Variants in SMCO2 observed in about 807,000 individuals in gnomAD.
SMCO2 encodes the protein single-pass membrane and coiled-coil domain-containing protein 2.
In SMCO2, 25 loss-of-function variants were observed where a neutral mutation model predicts 29.5. That is an observed-to-expected ratio of 0.85 (90% confidence interval 0.62 to 1.18). SMCO2 has a LOEUF of 1.18. Ranked by LOEUF, SMCO2 falls within the 50% of genes most tolerant of loss-of-function variation. The probability of loss-of-function intolerance (pLI) is 0.00; values close to 1 mark genes in which losing one functional copy is unlikely to be tolerated. For synonymous variants in SMCO2, 117 were observed against 123.3 expected, an observed-to-expected ratio of 0.95 and a Z score of 0.34; for missense variants, 348 against 344.5, an observed-to-expected ratio of 1.01 and a Z score of -0.08.
chr12:27,453,100 T>G, the SMCO2 span, among the ~76,000 whole-genome samples: 2 of 152,168 alleles, frequency 1.3e-5, no homozygotes, highest in East Asian at 3.9e-4. Flanking sequence ...ATCTGTAGAT[T>G]GGCCCCCAGT....
At chr12:27,444,210 A>C in the SMCO2 span, among the ~76,000 whole-genome samples, 2 of 152,314 alleles carry the variant, frequency 1.3e-5, no homozygotes, top group East Asian at 1.9e-4. Flanking sequence ...CAACCAACTC[A>C]TCTTTGACGA....
chr12:27,480,339 A>G (rs1949631343), intron 4 of SMCO2, among the ~76,000 whole-genome samples: 1 of 152,162 alleles, frequency 6.6e-6, no homozygotes, highest in Admixed American at 6.5e-5. Context: ...ACACCCTCAC[A>G]GACACACCCA....
the SMCO2 span, among the ~76,000 whole-genome samples, chr12:27,440,770 A>G: frequency 6.6e-6 from 1 of 151,992 alleles, no homozygotes; most frequent in South Asian, 2.1e-4. Flanking sequence ...CAAGGTAACC[A>G]CAGCATAAAA....
At chr12:27,428,290 T>A in the SMCO2 span, among the ~76,000 whole-genome samples, 1 of 152,176 alleles carries the variant, frequency 6.6e-6, no homozygotes, top group Non-Finnish European at 1.5e-5. Context: ...ATAAACTAAA[T>A]CCCTCCCAAA....
chr12:27,497,408 G>T, intron 7 of SMCO2: 1 of 221,032 alleles, frequency 4.5e-6, no homozygotes, highest in Non-Finnish European at 9.6e-6. Flanking sequence ...CAGAAAGTTT[G>T]TGTTGGTCCC....
chr12:27,430,878 G>C, the SMCO2 span, among the ~76,000 whole-genome samples: 1 of 152,010 alleles, frequency 6.6e-6, no homozygotes, highest in African/African-American at 2.4e-5. Context: ...ATCCAGACCC[G>C]AGCAGCTCGA....
At chr12:27,440,389 C>T in the SMCO2 span, among the ~76,000 whole-genome samples, 363 of 152,238 alleles carry the variant, frequency 2.4e-3, no homozygotes, top group African/African-American at 8.2e-3. Flanking sequence ...AAAACACTAA[C>T]GTGCAAAGGA....
At position 27,467,535 on chromosome 12, in the gene SMCO2, G is replaced by A. The variant is rs1211260679; in HGVS notation, c.-11+560G>A. Reference sequence around the variant, plus strand: ...CTCCCAGGAAGCGCTGAGGCTGCTGGCCTGCAGACCACACTTTGAGCACTA... The same window carrying A: ...CTCCCAGGAAGCGCTGAGGCTGCTGACCTGCAGACCACACTTTGAGCACTA... On this transcript the variant is annotated intron_variant, in intron 1 of 7. Transcript: ENST00000298876. Among the ~76,000 whole-genome samples, 5 of 151,654 alleles carry A rather than the reference G, an allele frequency of 3.3e-5. No individual in the cohort carries two copies. The South Asian group carries it at 1.0e-3, about 32-fold the overall frequency.
chr12:27,473,667 G>T (rs1178045870), intron 3 of SMCO2, among the ~76,000 whole-genome samples: 1 of 152,148 alleles, frequency 6.6e-6, no homozygotes, highest in Non-Finnish European at 1.5e-5. Flanking sequence ...AAACTAATTT[G>T]TAAAGAGTTA....
At chr12:27,479,709 A>T (rs1272217668) in intron 4 of SMCO2, among the ~76,000 whole-genome samples, 1 of 152,134 alleles carries the variant, frequency 6.6e-6, no homozygotes, top group Admixed American at 6.5e-5. Flanking sequence ...TAAGTTCACA[A>T]GATCTGATCG....
At chr12:27,429,068 T>A in the SMCO2 span, among the ~76,000 whole-genome samples, 2 of 152,114 alleles carry the variant, frequency 1.3e-5, no homozygotes, top group African/African-American at 4.8e-5. Context: ...AGTTGTAGTG[T>A]CTGAAATATC....
At chr12:27,494,444 C>G (rs367820483) in intron 6 of SMCO2, 88 bp downstream of exon 7, 1 of 604,836 alleles carries the variant, frequency 1.7e-6, no homozygotes, top group Non-Finnish European at 2.6e-6. Context: ...TAGAATATGA[C>G]GGTGCACCAC....
At chr12:27,458,427 C>T in the SMCO2 span, among the ~76,000 whole-genome samples, 1 of 152,146 alleles carries the variant, frequency 6.6e-6, no homozygotes, top group Admixed American at 6.5e-5. Flanking sequence ...TTATGCAATT[C>T]TTATAAATTG....
chr12:27,479,915 A>G (rs976248058), intron 4 of SMCO2, among the ~76,000 whole-genome samples: 3 of 152,188 alleles, frequency 2.0e-5, no homozygotes, highest in African/African-American at 7.2e-5. Flanking sequence ...AGAATAGACT[A>G]ATACACATGG....
chr12:27,446,704 T>A, the SMCO2 span: 1 of 150,178 alleles, frequency 6.7e-6, no homozygotes, highest in Non-Finnish European at 1.5e-5. Flanking sequence ...TCAAGTATCC[T>A]CTCTCTCTCC....
At chr12:27,497,467 G>A in intron 7 of SMCO2, 2 of 204,304 alleles carry the variant, frequency 9.8e-6, no homozygotes, top group South Asian at 2.0e-4. Flanking sequence ...GAGGCTGGGT[G>A]TGGTAGCTCA....
intron 5 of SMCO2, among the ~76,000 whole-genome samples, chr12:27,490,122 G>A (rs1592216142): frequency 1.3e-5 from 2 of 152,186 alleles, no homozygotes; most frequent in Admixed American, 1.3e-4. Flanking sequence ...ATATCTGCCA[G>A]TTGTCATTTG....
At chr12:27,449,260 C>G in the SMCO2 span, among the ~76,000 whole-genome samples, 1 of 152,234 alleles carries the variant, frequency 6.6e-6, no homozygotes, top group Non-Finnish European at 1.5e-5. Flanking sequence ...CTGCCACACC[C>G]AAACGAAATA....
intron 1 of SMCO2, among the ~76,000 whole-genome samples, chr12:27,469,214 C>T (rs1171722868): frequency 1.3e-5 from 2 of 152,116 alleles, no homozygotes; most frequent in East Asian, 3.9e-4. Flanking sequence ...CAAAACTGTC[C>T]AGATAGGGGC....
Sources: gnomAD v4.1 joint callset for allele counts (sites outside exome capture counted in the v4.1 genomes callset) on GRCh38, gnomAD v4.1.1 for gene constraint, MANE v1.5 for transcripts, NCBI Gene and HGNC (gene_info 2026-07-23, HGNC 2026-07-21) for gene names.